The following DLGAP2 variants were observed in gnomAD, a reference collection of about 807,000 sequenced individuals.
The protein encoded by DLGAP2 is DLG associated protein 2.
Under a neutral mutation model 100.3 loss-of-function variants are expected in DLGAP2, and 26 were observed. The observed-to-expected ratio is 0.26, with a 90% confidence interval of 0.19 to 0.36. The LOEUF is 0.36. Among genes scored for constraint, DLGAP2 ranks in the 10% least tolerant of loss-of-function variants. The pLI is 1.00. For missense variants in DLGAP2, 1,858 were observed against 1,453.2 expected (o/e 1.28, Z -4.53); for synonymous variants, 886 against 630.1 (o/e 1.41, Z -6.08).
At chr8:1,295,550 G>T (rs547850317) in intron 3 of DLGAP2, among the ~76,000 whole-genome samples, 17 of 152,330 alleles carry the variant, frequency 1.1e-4, no homozygotes, top group African/African-American at 4.1e-4. Flanking sequence ...AAGTGGAAGG[G>T]GCTCTGGTCA....
At chr8:1,025,943 G>A (rs1171801527) in intron 2 of DLGAP2, among the ~76,000 whole-genome samples, 4 of 152,228 alleles carry the variant, frequency 2.6e-5, no homozygotes, top group Non-Finnish European at 5.9e-5. Flanking sequence ...AGGGAGCAGG[G>A]AGCACCTGGG....
intron 1 of DLGAP2, among the ~76,000 whole-genome samples, chr8:788,851 C>G (rs984925176): frequency 4.6e-5 from 7 of 152,134 alleles, no homozygotes; most frequent in African/African-American, 1.7e-4. Flanking sequence ...TTCCCATGGG[C>G]TTTTGTTATG....
intron 1 of DLGAP2, chr8:740,096 C>T (rs1006792971): frequency 3.9e-5 from 6 of 152,188 alleles, no homozygotes; most frequent in African/African-American, 1.4e-4. Flanking sequence ...CACAGAATGG[C>T]TTCCTCTGTT....
At chr8:762,160 A>G (rs1821104850) in intron 1 of DLGAP2, among the ~76,000 whole-genome samples, 1 of 152,140 alleles carries the variant, frequency 6.6e-6, no homozygotes, top group Non-Finnish European at 1.5e-5. Flanking sequence ...ACAAAACATA[A>G]TCCTAGAAGT....
At chr8:1,308,829 A>T (rs1055721166) in intron 3 of DLGAP2, among the ~76,000 whole-genome samples, 1 of 152,236 alleles carries the variant, frequency 6.6e-6, no homozygotes, top group Admixed American at 6.5e-5. Context: ...CTGGCCCTAA[A>T]TAATATTTTT....
intron 4 of DLGAP2, among the ~76,000 whole-genome samples, chr8:1,548,327 C>T (rs553860934): frequency 1.1e-3 from 167 of 149,474 alleles, no homozygotes; most frequent in East Asian, 4.0e-3. Context: ...GGCGTGGTGG[C>T]AGGCGCCTGT....
intron 1 of DLGAP2, among the ~76,000 whole-genome samples, chr8:759,284 A>T (rs1254173834): frequency 7.0e-6 from 1 of 143,732 alleles, no homozygotes; most frequent in Non-Finnish European, 1.5e-5. Context: ...CCTCCCCATT[A>T]TCAATACCCC....
intron 2 of DLGAP2, among the ~76,000 whole-genome samples, chr8:1,182,311 A>C (rs1797406819): frequency 6.6e-6 from 1 of 152,232 alleles, no homozygotes; most frequent in Non-Finnish European, 1.5e-5. Flanking sequence ...AGGTCCCTTG[A>C]CTGTGGCAGT....
Position 1,701,481 on chromosome 8 carries a change from G to A in DLGAP2, c.*75G>A. The A allele has an allele frequency of 1.4e-6, 2 of 1,430,626 alleles. No homozygotes were observed. Among genetic ancestry groups the A allele is most frequent in the Non-Finnish European group, 1.9e-6 (2 of 1,065,324 alleles). 88.6% of individuals were successfully genotyped at this position (1,430,626 alleles called of 1,614,324 possible). A position where few individuals can be genotyped will look rare whatever the true frequency, so the allele number is the denominator to read the frequency against. On this transcript the variant is annotated 3_prime_UTR_variant, in exon 15 of 15. Transcript: ENST00000637795. ...TGTGCAGCGCGGCGCCGCCCTGGTG[G>A]TTTCTGTCTCCTCCTCCCGCTGAAC...
chr8:1,132,964 G>A (rs1431079582), intron 2 of DLGAP2, among the ~76,000 whole-genome samples: 1 of 152,204 alleles, frequency 6.6e-6, no homozygotes, highest in Non-Finnish European at 1.5e-5. Flanking sequence ...AGGCCCTCAG[G>A]GAGAAATTTA....
chr8:855,464 G>A (rs146635906), intron 1 of DLGAP2, among the ~76,000 whole-genome samples: 1 of 152,304 alleles, frequency 6.6e-6, no homozygotes, highest in Non-Finnish European at 1.5e-5. Context: ...GGAGAATCAG[G>A]AGGCTGGCAT....
In DLGAP2 at chr8:1,351,815, G is replaced by A. The variant is rs575431402; in HGVS notation, c.106+92932G>A. ...TGTGGAAAGGACGTGCGCGTCCTGCGTGTGGCGTGGAAAGGCCATGCGGGT... is the reference window on the plus strand; with the variant it reads ...TGTGGAAAGGACGTGCGCGTCCTGCATGTGGCGTGGAAAGGCCATGCGGGT... On this transcript the variant is annotated intron_variant, in intron 3 of 14. Transcript: ENST00000637795. 1.9e-3 allele frequency among the ~76,000 whole-genome samples: 133 copies of A among 71,370 alleles called. 9 individuals are homozygous for A. Among genetic ancestry groups the A allele is most frequent in the African/African-American group, 5.7e-3 (122 of 21,414 alleles). The allele number at this position is 71,370 out of a possible 152,430, so 46.8% of individuals were successfully genotyped here.
At chr8:1,647,714 C>T (rs997998821) in intron 8 of DLGAP2, among the ~76,000 whole-genome samples, 11 of 152,118 alleles carry the variant, frequency 7.2e-5, no homozygotes, top group South Asian at 6.2e-4. Context: ...GCAGGAGCTG[C>T]CAGTCCCCTG....
At chr8:1,179,387 C>A (rs1433846348) in intron 2 of DLGAP2, among the ~76,000 whole-genome samples, 1 of 152,228 alleles carries the variant, frequency 6.6e-6, no homozygotes, top group Non-Finnish European at 1.5e-5. Flanking sequence ...GGGACTCTGA[C>A]TGTGCAGTCG....
intron 1 of DLGAP2, among the ~76,000 whole-genome samples, chr8:759,146 ATTATCAATACCCCCCACAGCCTTCCCG>A (rs1821003392): frequency 5.0e-5 from 2 of 39,800 alleles, no homozygotes; most frequent in African/African-American, 1.3e-4. Context: ...CAGCTTTCCC[ATTATCAATACCCCCCACAGCCTTCCCG>A]TTATCAATAC....
chr8:798,074 C>T (rs1471674393), intron 1 of DLGAP2, among the ~76,000 whole-genome samples: 3 of 152,168 alleles, frequency 2.0e-5, no homozygotes, highest in African/African-American at 2.4e-5. Flanking sequence ...TAACTGCTCC[C>T]GAGGCCCCTG....
intron 2 of DLGAP2, among the ~76,000 whole-genome samples, chr8:967,057 G>A (rs981838799): frequency 6.6e-6 from 1 of 152,198 alleles, no homozygotes; most frequent in African/African-American, 2.4e-5. Context: ...TCTTTTAAAT[G>A]AATGCTGAAA....
rs147064018 is a variant in DLGAP2, at chr8:1,253,922, T to C, written c.74-4929T>C. Among the ~76,000 whole-genome samples the C allele has an allele frequency of 2.8e-3, 424 of 152,316 alleles. 1 individual carries two copies. Among genetic ancestry groups the C allele is most frequent in the African/African-American group, 9.8e-3 (407 of 41,582 alleles). On this transcript the variant is annotated intron_variant, in intron 2 of 14. Coordinates refer to ENST00000637795, the MANE Select transcript of DLGAP2 (RefSeq NM_001346810.2). The stretch of plus-strand genomic sequence containing the variant: ...CTTGCTGGGTGATTTTAAACATATG[T>C]AACCTGTGATGAAGATGAACTGTGG...
chr8:1,200,159 G>C (rs6558424), intron 2 of DLGAP2, among the ~76,000 whole-genome samples: 104,400 of 152,072 alleles, frequency 0.69, 37,143 homozygotes, highest in African/African-American at 0.89. Flanking sequence ...GAGAGGCTGG[G>C]TTTCCCTGGC....
Sources: allele counts gnomAD v4.1 joint callset (sites outside exome capture counted in the v4.1 genomes callset), GRCh38; gene constraint gnomAD v4.1.1; transcripts MANE v1.5; gene names NCBI Gene and HGNC (gene_info 2026-07-23, HGNC 2026-07-21).